The following ARHGAP17 variants were observed in gnomAD, a reference collection of about 807,000 sequenced individuals.
The protein encoded by ARHGAP17 is Rho GTPase activating protein 17, also known as rho GTPase-activating protein 17.
ARHGAP17 carries 57 observed loss-of-function variants against 99.5 expected under a neutral mutation model. That is an observed-to-expected ratio of 0.57 (90% CI 0.46 to 0.71). The LOEUF (loss-of-function observed/expected upper bound fraction) is 0.71, where lower values mean the gene tolerates loss of function less well. ARHGAP17 is among the 30% of genes least tolerant of loss of function. The pLI, the probability that ARHGAP17 is intolerant of heterozygous loss-of-function variation, is 0.00. For missense variants in ARHGAP17, 1,000 were observed against 1,122.4 expected, an observed-to-expected ratio of 0.89 and a Z score of 1.56; for synonymous variants, 417 against 429.6, an observed-to-expected ratio of 0.97 and a Z score of 0.36.
At position 25,011,440 on chromosome 16, in the gene ARHGAP17, C is replaced by T. The variant is rs549695004; in HGVS notation, c.53+3769G>A. Among the ~76,000 whole-genome samples the T allele has an allele frequency of 7.2e-5, 11 of 152,332 alleles. No homozygotes were observed. In the South Asian group the frequency reaches 2.1e-3, roughly 29 times the overall value. ...GGAACCGAGGCCAGGCGCAGTGGCT[C>T]ATGCCTGTAATCCCAGCACTTTGGG... On this transcript the variant is annotated intron_variant, in intron 1 of 19. Coordinates refer to ENST00000289968, the MANE Select transcript of ARHGAP17 (RefSeq NM_001006634.3).
At chr16:24,997,815 T>A (rs1286572438) in intron 1 of ARHGAP17, among the ~76,000 whole-genome samples, 2 of 152,100 alleles carry the variant, frequency 1.3e-5, no homozygotes, top group African/African-American at 4.8e-5. Context: ...GAAGGTACAA[T>A]GAGGTCAGCT....
Position 24,959,820 on chromosome 16 carries a change from G to T in ARHGAP17, c.643-68C>A, listed in dbSNP as rs565983269. ...TCGGATGGACACACACACAATGGCT[G>T]AGCAAAACTAAAAATGAAATCTTTT... On this transcript the variant is annotated intron_variant, in intron 8 of 19. Transcript: ENST00000289968. 20 of 1,602,362 alleles carry T rather than the reference G, an allele frequency of 1.2e-5. No homozygotes were observed. In the East Asian group the frequency reaches 4.0e-4, roughly 32 times the overall value.
intron 19 of ARHGAP17, among the ~76,000 whole-genome samples, chr16:24,928,901 G>A (rs953975787): frequency 3.9e-5 from 6 of 152,124 alleles, no homozygotes; most frequent in Non-Finnish European, 7.4e-5. Flanking sequence ...GGTATTTGGC[G>A]GAAGATTTTT....
intron 1 of ARHGAP17, among the ~76,000 whole-genome samples, chr16:25,009,320 T>C (rs2053584192): frequency 6.7e-6 from 1 of 149,038 alleles, no homozygotes; most frequent in African/African-American, 2.5e-5. Context: ...TGAGTCGAGA[T>C]TGTACCACTG....
chr16:24,995,543 T>G (rs1282310422), intron 1 of ARHGAP17, among the ~76,000 whole-genome samples: 2 of 152,128 alleles, frequency 1.3e-5, no homozygotes. Context: ...TGCTGAAGAT[T>G]GTGAGCAAAC....
Position 25,015,292 on chromosome 16 carries a change from T to C in ARHGAP17, c.-31A>G. On this transcript the variant is annotated 5_prime_UTR_variant, in exon 1 of 20. Transcript: ENST00000289968. ...CGGTGGCGGCGGCGGCCCGCGGGGC[T>C]CGGGCCGGGCAGGGCGGGGGACAGC... 1 of 1,317,710 alleles carries C rather than the reference T, an allele frequency of 7.6e-7. No homozygotes were observed. The highest frequency in any genetic ancestry group is 1.5e-5 in the African/African-American group (1 of 65,340). 81.6% of individuals were successfully genotyped at this position (1,317,710 alleles called of 1,614,324 possible).
rs2051109887 is a variant in ARHGAP17, at chr16:24,935,449, A to G, written c.1894+21T>C. 3.8e-6 allele frequency: 6 copies of G among 1,566,576 alleles called. 1 individual carries two copies. The highest frequency in any genetic ancestry group is 3.5e-4 in the Middle Eastern group (2 of 5,750). On this transcript the variant is annotated intron_variant, in intron 18 of 19. Coordinates refer to ENST00000289968, the MANE Select transcript of ARHGAP17 (RefSeq NM_001006634.3). ...GTCTGCACAGGCTTCCCTGAGGGCAAGGAGGACGGTGGCTGCTTACCTCGG... is the reference window on the plus strand; with the variant it reads ...GTCTGCACAGGCTTCCCTGAGGGCAGGGAGGACGGTGGCTGCTTACCTCGG...
At chr16:24,980,849 C>T (rs1413774579) in intron 1 of ARHGAP17, among the ~76,000 whole-genome samples, 1 of 152,136 alleles carries the variant, frequency 6.6e-6, no homozygotes, top group Non-Finnish European at 1.5e-5. Context: ...GCCCTGTATA[C>T]CTCTCACAGA....
chr16:24,964,341 A>G, intron 6 of ARHGAP17, 33 bp from the exon 7 acceptor site: 1 of 1,467,286 alleles, frequency 6.8e-7, no homozygotes, highest in Non-Finnish European at 9.5e-7. Flanking sequence ...GCATCTGAGA[A>G]CCAGCTGTGT....
intron 1 of ARHGAP17, among the ~76,000 whole-genome samples, chr16:24,982,653 T>C (rs1192061614): frequency 1.3e-5 from 2 of 152,230 alleles, no homozygotes; most frequent in Non-Finnish European, 2.9e-5. Context: ...CCCTCATCAC[T>C]GTGACTGGTC....
chr16:24,954,819 A>G lies in ARHGAP17; in HGVS notation c.725-89T>C, dbSNP rs559881542. 5.4e-5 allele frequency: 84 copies of G among 1,544,490 alleles called. No individual in the cohort carries two copies. The African/African-American group carries it at 1.0e-3, about 19-fold the overall frequency. On this transcript the variant is annotated intron_variant, in intron 9 of 19. Transcript: ENST00000289968. ...CCCCAACTACCCAATGGGCTTTTCTAGCCGACTGGTAGGTGAGGCTGTGCA... is the reference window on the plus strand; with the variant it reads ...CCCCAACTACCCAATGGGCTTTTCTGGCCGACTGGTAGGTGAGGCTGTGCA...
chr16:24,958,589 G>A (rs2051882470), intron 9 of ARHGAP17, among the ~76,000 whole-genome samples: 1 of 152,216 alleles, frequency 6.6e-6, no homozygotes. Flanking sequence ...TGAGAATGCT[G>A]AAGATCTGAC....
At chr16:24,941,879 G>A in intron 16 of ARHGAP17, 108 bp downstream of exon 16, 1 of 1,462,546 alleles carries the variant, frequency 6.8e-7, no homozygotes, top group Non-Finnish European at 9.5e-7. Flanking sequence ...CATCAGTCAT[G>A]GGTGGATGGC....
intron 3 of ARHGAP17, among the ~76,000 whole-genome samples, chr16:24,971,664 T>C (rs2052367983): frequency 6.6e-6 from 1 of 152,248 alleles, no homozygotes; most frequent in East Asian, 1.9e-4. Flanking sequence ...TTCTAAAATG[T>C]AGCTTTATTT....
rs182671962 is a variant in ARHGAP17 at position 24,930,637 on chromosome 16, G to T, written c.2515+147C>A. 1.2e-5 allele frequency: 16 copies of T among 1,372,018 alleles called. No individual in the cohort carries two copies. The Admixed American group carries it at 2.5e-4, about 22-fold the overall frequency. The allele number at this position is 1,372,018 out of a possible 1,614,324, so 85.0% of individuals were successfully genotyped here. ...AGCTGTGTTCCAATAAAACTTTAAT[G>T]ACAAAAACTGGCTGCAGGACAGGTT... On this transcript the variant is annotated intron_variant, in intron 19 of 19. Transcript: ENST00000289968.
At chr16:25,011,618 T>C (rs181531914) in intron 1 of ARHGAP17, among the ~76,000 whole-genome samples, 36 of 151,690 alleles carry the variant, frequency 2.4e-4, no homozygotes, top group African/African-American at 8.5e-4. Context: ...GACGGGAGAA[T>C]TGCTTGAACC....
chr16:24,928,300 T>C (rs2050893260), intron 19 of ARHGAP17, among the ~76,000 whole-genome samples: 1 of 152,246 alleles, frequency 6.6e-6, no homozygotes, highest in Non-Finnish European at 1.5e-5. Context: ...ATAACTCTGG[T>C]AACCTGGAAT....
At chr16:25,000,205 A>G (rs2053321814) in intron 1 of ARHGAP17, among the ~76,000 whole-genome samples, 1 of 152,228 alleles carries the variant, frequency 6.6e-6, no homozygotes, top group Non-Finnish European at 1.5e-5. Context: ...TGAATTAACT[A>G]ATCGCCAAGA....
rs752027990 is a variant in ARHGAP17 at position 24,920,081 on chromosome 16, G to A, written c.*49C>T. 3 of 1,601,434 alleles carry A rather than the reference G, an allele frequency of 1.9e-6. No individual in the cohort carries two copies. The highest frequency in any genetic ancestry group is 1.1e-5 in the South Asian group (1 of 90,504). ...CAAAGAAAGAGGTTCGCCTGCCCCT[G>A]CTCCACTCGCCAGGGTGGAAGTGGT... On this transcript the variant is annotated 3_prime_UTR_variant, in exon 20 of 20. Coordinates refer to ENST00000289968, the MANE Select transcript of ARHGAP17 (RefSeq NM_001006634.3).
Sources: gnomAD v4.1 joint callset for allele counts (sites outside exome capture counted in the v4.1 genomes callset) on GRCh38, gnomAD v4.1.1 for gene constraint, MANE v1.5 for transcripts, NCBI Gene and HGNC (gene_info 2026-07-23, HGNC 2026-07-21) for gene names.